SUPT6H: variants seen among roughly 807,000 people sequenced by gnomAD.
The protein encoded by SUPT6H is transcription elongation factor SPT6.
In SUPT6H, 11 loss-of-function variants were observed where a neutral mutation model predicts 222.3. That is an observed-to-expected ratio of 0.05 (90% CI 0.03 to 0.08). The LOEUF is 0.08. Among genes scored for constraint, SUPT6H ranks in the 10% least tolerant of loss-of-function variants. SUPT6H has a pLI of 1.00. For missense variants in SUPT6H, 1,422 were observed against 2,216.0 expected (o/e 0.64, Z 7.19); for synonymous variants, 762 against 801.2 (o/e 0.95, Z 0.83).
intron 28 of SUPT6H, among the ~76,000 whole-genome samples, chr17:28,694,705 A>G (rs1039555960): frequency 6.6e-6 from 1 of 152,204 alleles, no homozygotes; most frequent in African/African-American, 2.4e-5. Flanking sequence ...TTCCCCTTCA[A>G]AAAGGGAAGT....
chr17:28,670,859 TGG>T (rs2030370555), intron 1 of SUPT6H: 1 of 152,528 alleles, frequency 6.6e-6, no homozygotes. Context: ...CACTCCAGCC[TGG>T]GCAACAAGAG....
rs1174132549 is a variant in SUPT6H, at chr17:28,678,140, C to G, written c.1064C>G (p.Thr355Arg). The change falls in exon 9 of 37, where the codon ACA (threonine) becomes AGA (arginine). Residue 355 changes from threonine to arginine, a missense_variant. By Grantham distance (71) the Thr-to-Arg change is moderately conservative. This residue lies in a region of SUPT6H where 389 missense variants were observed against 544.6 expected (regional missense o/e 0.71). Coordinates refer to ENST00000314616, the MANE Select transcript of SUPT6H (RefSeq NM_003170.5). ...AGCTTCAGTCGGAAAGGGCCCAGCA[C>G]AATTCAGAAGATCAAAGAGGCCCTG... is the stretch of plus-strand genomic sequence containing the variant. The part of the protein sequence containing the change: ...ASSFSRKGPS[T>R]IQKIKEALGF... 1 of 1,609,834 alleles carries G rather than the reference C, an allele frequency of 6.2e-7. No individual in the cohort carries two copies.
rs776984398 is a variant in SUPT6H, at chr17:28,682,950, C to T, written c.1736C>T (p.Pro579Leu). The stretch of plus-strand genomic sequence containing the variant: ...CACCATTTTCCCCACAGCCAGTTCC[C>T]TACTCCAGAAGCTGTGCTAGAAGGC... ...LAKDYVCSQF[P>L]TPEAVLEGAR... The change falls in exon 15 of 37, where the codon CCT (proline) becomes CTT (leucine). Residue 579 changes from proline to leucine, a missense_variant. This residue lies in a region of SUPT6H where 121 missense variants were observed against 158.0 expected (regional missense o/e 0.77). Transcript: ENST00000314616. 3 of 1,612,110 alleles carry T rather than the reference C, an allele frequency of 1.9e-6. No individual in the cohort carries two copies. The Admixed American group carries it at 5.0e-5, about 27-fold the overall frequency.
At chr17:28,686,443 T>A in intron 20 of SUPT6H, 28 bp downstream of exon 20, 1 of 1,607,986 alleles carries the variant, frequency 6.2e-7, no homozygotes. Flanking sequence ...CACACCTGGT[T>A]TAAGGCCGTG....
chr17:28,685,472 CATTATTATTATTATTATTATT>C (rs3076012), intron 19 of SUPT6H, among the ~76,000 whole-genome samples: 1 of 144,400 alleles, frequency 6.9e-6, no homozygotes, highest in Non-Finnish European at 1.5e-5. Context: ...TTATTATTAT[CATTATTATTATTATTATTATT>C]ATTATTATTA....
chr17:28,690,359 A>T, intron 26 of SUPT6H, 130 bp downstream of exon 26: 1 of 1,170,688 alleles, frequency 8.5e-7, no homozygotes, highest in Non-Finnish European at 1.2e-6. Flanking sequence ...AGAGCATTTT[A>T]AAAGACTAAA....
At chr17:28,696,178 C>T (rs1185362787) in intron 29 of SUPT6H, among the ~76,000 whole-genome samples, 2 of 151,468 alleles carry the variant, frequency 1.3e-5, no homozygotes, top group African/African-American at 2.4e-5. Context: ...TGGTGGTGGG[C>T]GCCTGTAATC....
intron 30 of SUPT6H, among the ~76,000 whole-genome samples, chr17:28,697,339 G>A (rs903382430): frequency 3.3e-5 from 5 of 152,132 alleles, no homozygotes; most frequent in Admixed American, 6.5e-5. Context: ...ACATATATAC[G>A]CACACACATA....
intron 28 of SUPT6H, among the ~76,000 whole-genome samples, chr17:28,694,404 A>G (rs1391033221): frequency 6.6e-6 from 1 of 152,182 alleles, no homozygotes; most frequent in Non-Finnish European, 1.5e-5. Context: ...CTCTAATCTC[A>G]CATGCTGATG....
At chr17:28,675,326 A>G (rs1451897799) in intron 5 of SUPT6H, 75 bp from the exon 6 acceptor site, 8 of 1,560,880 alleles carry the variant, frequency 5.1e-6, no homozygotes, top group Non-Finnish European at 5.3e-6. Context: ...GGCCACTCAC[A>G]TAGTAGGAAC....
chr17:28,682,074 T>G (rs1482822733), intron 13 of SUPT6H, 94 bp downstream of exon 13: 1 of 975,398 alleles, frequency 1.0e-6, no homozygotes, highest in Admixed American at 2.4e-5. Context: ...AGAAAGGCTA[T>G]CTGGGTCAAT....
In SUPT6H at chr17:28,700,156, A is replaced by G; in HGVS notation, c.4562-17A>G. ...TAGGTTTCTGGAGGGATGTAACTAAATAATCACTTCCTGCAGGCATCACCC... is the reference window on the plus strand; with the variant it reads ...TAGGTTTCTGGAGGGATGTAACTAAGTAATCACTTCCTGCAGGCATCACCC... On this transcript the variant is annotated splice_polypyrimidine_tract_variant and intron_variant, in intron 33 of 36. Transcript: ENST00000314616. 26 of 1,614,090 alleles carry G rather than the reference A, an allele frequency of 1.6e-5. No individual in the cohort carries two copies. Among genetic ancestry groups the G allele is most frequent in the Middle Eastern group, 1.7e-4 (1 of 6,060 alleles).
At chr17:28,670,582 A>G (rs1056615869) in intron 1 of SUPT6H, among the ~76,000 whole-genome samples, 15 of 151,940 alleles carry the variant, frequency 9.9e-5, no homozygotes, top group Non-Finnish European at 2.2e-4. Context: ...GAGACATTCA[A>G]CTCCTTGAAA....
Position 28,675,462 on chromosome 17 carries a change from A to G in SUPT6H, c.600A>G (p.Lys200=). ...CTCTGAAAAAACCTAAGTGGCGGAA[A>G]AAGCTTCCTGGATACACAGACGCGT... ...GQPLKKPKWR[K]KLPGYTDAAL... is the part of the protein sequence containing the mutation. The change falls in exon 6 of 37, where the codon AAA becomes AAG. Residue 200 remains lysine (K), a synonymous_variant. Transcript: ENST00000314616. 6.2e-7 allele frequency: 1 copy of G among 1,614,196 alleles called. No individual in the cohort carries two copies. The highest frequency in any genetic ancestry group is 8.5e-7 in the Non-Finnish European group (1 of 1,180,028).
chr17:28,687,372 C>T lies in SUPT6H; in HGVS notation c.2907C>T (p.Val969=), dbSNP rs191022012. ...AATTTATCAACCGAGTCAATGAGGT[C>T]GGGGTCGATGTCAACCGTGCCATTG... The part of the protein sequence containing the change: ...YCEFINRVNE[V]GVDVNRAIAH... Residue 969 remains valine, a synonymous_variant, in exon 23 of 37, where the codon GTC becomes GTT. Coordinates refer to ENST00000314616, the MANE Select transcript of SUPT6H (RefSeq NM_003170.5). 3 of 1,614,136 alleles carry T rather than the reference C, an allele frequency of 1.9e-6. No homozygotes were observed. Among genetic ancestry groups the T allele is most frequent in the African/African-American group, 2.7e-5 (2 of 75,036 alleles).
Position 28,701,468 on chromosome 17 carries a change from G to A in SUPT6H, c.5024G>A (p.Gly1675Glu). 6.2e-7 allele frequency: 1 copy of A among 1,614,144 alleles called. No homozygotes were observed. ...KSNSHAAIDW[G>E]KMAEQWLQEK... ...AACAGCCATGCAGCCATCGACTGGGGAAAAATGGCGGAGCAGTGGCTGCAG... is the reference window on the plus strand; with the variant it reads ...AACAGCCATGCAGCCATCGACTGGGAAAAAATGGCGGAGCAGTGGCTGCAG... Residue 1675 changes from glycine to glutamate, a missense_variant, in exon 37 of 37, where the codon GGA (glycine) becomes GAA (glutamate). Physicochemically the swap from Gly to Glu is moderately conservative, Grantham distance 98. Coordinates refer to ENST00000314616, the MANE Select transcript of SUPT6H (RefSeq NM_003170.5).
intron 36 of SUPT6H, 62 bp downstream of exon 36, chr17:28,701,190 C>T (rs1420820714): frequency 1.5e-5 from 23 of 1,538,714 alleles, no homozygotes; most frequent in South Asian, 1.5e-4. Flanking sequence ...GTCAAGAGGC[C>T]GAAAGGCTTA....
At position 28,662,301 on chromosome 17, in the gene SUPT6H, G is replaced by A. The variant is rs1249905132; in HGVS notation, c.-73G>A. On this transcript the variant is annotated 5_prime_UTR_variant, in exon 1 of 37. It adds an upstream start codon to the 5' untranslated region. Transcript: ENST00000314616. Reference sequence around the variant, plus strand: ...CGGTTCGACGACTCCATTTTCCTCGGTGGGGGCTTAGCGCACTGGAGGAGC... The same window carrying A: ...CGGTTCGACGACTCCATTTTCCTCGATGGGGGCTTAGCGCACTGGAGGAGC... 6.0e-6 allele frequency: 1 copy of A among 166,476 alleles called. No homozygotes were observed. Among genetic ancestry groups the A allele is most frequent in the Non-Finnish European group, 1.3e-5 (1 of 74,352 alleles). The allele number at this position is 166,476 out of a possible 1,614,324, so 10.3% of individuals were successfully genotyped here.
rs754705893 is a variant in SUPT6H at position 28,687,296 on chromosome 17, G to A, written c.2839-8G>A. On this transcript the variant is annotated splice_polypyrimidine_tract_variant and splice_region_variant and intron_variant, in intron 22 of 36. Coordinates refer to ENST00000314616, the MANE Select transcript of SUPT6H (RefSeq NM_003170.5). ...GTAACCTTACTCCTGCCTGCTGAAT[G>A]TCCACAGGAGCATGTGGTGAAAGAG... 1.2e-5 allele frequency: 20 copies of A among 1,614,026 alleles called. No homozygotes were observed. The highest frequency in any genetic ancestry group is 5.3e-5 in the African/African-American group (4 of 74,906).
Sources: allele counts gnomAD v4.1 joint callset (sites outside exome capture counted in the v4.1 genomes callset), GRCh38; gene constraint gnomAD v4.1.1; regional missense constraint gnomAD v4.1.1; transcripts MANE v1.5; gene names NCBI Gene and HGNC (gene_info 2026-07-23, HGNC 2026-07-21).